PLEKHG4B: variants seen among roughly 807,000 people sequenced by gnomAD.
The protein encoded by PLEKHG4B is pleckstrin homology and RhoGEF domain containing G4B.
A neutral mutation model predicts 121.3 loss-of-function variants in PLEKHG4B; 111 were observed. The observed-to-expected ratio is 0.92, with a 90% CI of 0.78 to 1.07. The LOEUF (loss-of-function observed/expected upper bound fraction) is 1.07, where lower values mean the gene tolerates loss of function less well. Ranked by LOEUF, PLEKHG4B falls within the 50% of genes least tolerant of loss-of-function variation. The pLI is 0.00. For missense variants in PLEKHG4B, 1,831 were observed against 1,757.8 expected (o/e 1.04, Z -0.74); for synonymous variants, 738 against 725.0 (o/e 1.02, Z -0.29).
intron 2 of PLEKHG4B, among the ~76,000 whole-genome samples, chr5:117,083 A>C (rs185353517): frequency 6.6e-6 from 1 of 152,150 alleles, no homozygotes; most frequent in Non-Finnish European, 1.5e-5. Flanking sequence ...AACCTACAAA[A>C]TTGCTTGTCT....
In PLEKHG4B at chr5:143,069, T is replaced by C. The variant is rs1321820490; in HGVS notation, c.1500T>C (p.Cys500=). 24 of 1,613,210 alleles carry C rather than the reference T, an allele frequency of 1.5e-5. No individual in the cohort carries two copies. The highest frequency in any genetic ancestry group is 1.9e-5 in the Non-Finnish European group (23 of 1,179,994). ...KEEDVLASSA[C]VSTDGGSLHC... is the part of the protein sequence containing the mutation. ...CAGACGTTCTTGCATCCTCAGCCTG[T>C]GTCAGCACAGACGGCGGCAGCCTCC... is the stretch of plus-strand genomic sequence containing the variant. Residue 500 remains cysteine (C), a synonymous_variant, in exon 4 of 20, where the codon TGT becomes TGC. Transcript: ENST00000637938.
intron 18 of PLEKHG4B, among the ~76,000 whole-genome samples, chr5:174,728 G>A (rs1001112315): frequency 5.9e-5 from 9 of 152,038 alleles, no homozygotes; most frequent in Non-Finnish European, 1.2e-4. Context: ...TTTCTTTTTT[G>A]GTAAGGGTGA....
Position 140,155 on chromosome 5 carries a change from G to T in PLEKHG4B, c.916G>T (p.Gly306Trp). Reference sequence around the variant, plus strand: ...CCCACGGATGCCCCCTGAGAACTGTGGGGGGTCGGGGGAGAGGCCGGACCC... The same window carrying T: ...CCCACGGATGCCCCCTGAGAACTGTTGGGGGTCGGGGGAGAGGCCGGACCC... Reference protein sequence around the residue: ...QGPRMPPENCGGSGERPDPMD... With the variant: ...QGPRMPPENCWGSGERPDPMD... Residue 306 changes from glycine to tryptophan, a missense_variant, in exon 3 of 20, where the codon GGG becomes TGG. By Grantham distance (184) the Gly-to-Trp change is radical. Transcript: ENST00000637938. 1.3e-6 allele frequency: 1 copy of T among 743,500 alleles called. No homozygotes were observed. Among genetic ancestry groups the T allele is most frequent in the Non-Finnish European group, 2.1e-6 (1 of 474,386 alleles). The allele number at this position is 743,500 out of a possible 1,614,324, so 46.1% of individuals were successfully genotyped here.
intron 1 of PLEKHG4B, among the ~76,000 whole-genome samples, chr5:96,367 T>C (rs1019657048): frequency 6.6e-6 from 1 of 152,218 alleles, no homozygotes; most frequent in Admixed American, 6.5e-5. Context: ...GTTCCAATTT[T>C]TTGTCAAATT....
rs750537655 is a variant in PLEKHG4B at position 169,478 on chromosome 5, CGTTAT to C, written c.3616_3620del (p.Val1206PhefsTer74). 5 of 1,614,218 alleles carry C rather than the reference CGTTAT, an allele frequency of 3.1e-6. No homozygotes were observed. In the Admixed American group the frequency reaches 8.3e-5, roughly 27 times the overall value. On this transcript the variant is annotated frameshift_variant, in exon 14 of 20. Transcript: ENST00000637938. LOFTEE classifies it high-confidence loss of function. ...CCCAGGGCCTTCGAGGGAAGCACCA[CGTTAT>C]TTTCGGCAACTTGGAGAAGCTCCAC...
At position 163,211 on chromosome 5, in the gene PLEKHG4B, GGGGCCACCAC is replaced by G. The variant is rs1391285331; in HGVS notation, c.3142_3151del (p.Ala1048ProfsTer29). 1.6e-5 allele frequency: 25 copies of G among 1,595,256 alleles called. No homozygotes were observed. Among genetic ancestry groups the G allele is most frequent in the Non-Finnish European group, 2.1e-5 (25 of 1,171,508 alleles). On this transcript the variant is annotated frameshift_variant, in exon 13 of 20. Coordinates refer to ENST00000637938, the MANE Select transcript of PLEKHG4B (RefSeq NM_052909.5). LOFTEE classifies it high-confidence loss of function. ...CCTCCTCAGGGGCCTTCCAGGGGCA[GGGGCCACCAC>G]GGCCCACCTGGAGGACAGCTCTGCC...
At chr5:136,044 G>T (rs1015120941) in intron 2 of PLEKHG4B, among the ~76,000 whole-genome samples, 3 of 151,966 alleles carry the variant, frequency 2.0e-5, no homozygotes, top group Admixed American at 1.3e-4. Context: ...ATGTTCTACA[G>T]GGGTGCCAAG....
intron 1 of PLEKHG4B, among the ~76,000 whole-genome samples, chr5:94,031 T>G (rs1296156346): frequency 2.0e-5 from 3 of 152,222 alleles, no homozygotes; most frequent in African/African-American, 7.2e-5. Context: ...TAGAGCCTCC[T>G]AACTCTCACC....
intron 2 of PLEKHG4B, among the ~76,000 whole-genome samples, chr5:131,083 A>G (rs1163389917): frequency 6.6e-6 from 1 of 151,074 alleles, no homozygotes; most frequent in Non-Finnish European, 1.5e-5. Context: ...CTGATGCCCC[A>G]CGCCTCTGCA....
intron 2 of PLEKHG4B, among the ~76,000 whole-genome samples, chr5:118,074 A>G (rs181533266): frequency 1.3e-5 from 2 of 152,326 alleles, no homozygotes; most frequent in East Asian, 3.9e-4. Context: ...AGCAACATTC[A>G]AAGGATTACT....
chr5:94,220 C>G lies in PLEKHG4B; in HGVS notation c.45+1944C>G, dbSNP rs530564449. Among the ~76,000 whole-genome samples the G allele has an allele frequency of 2.3e-3, 358 of 152,366 alleles. 1 individual carries two copies. The highest frequency in any genetic ancestry group is 0.017 in the Middle Eastern group (5 of 294). On this transcript the variant is annotated intron_variant, in intron 1 of 19. Transcript: ENST00000637938. ...TTGGTGCCTCTCCTGGCTGATACAGCATCAGTGCTTCTGTGCCCTGCGGCA... is the reference window on the plus strand; with the variant it reads ...TTGGTGCCTCTCCTGGCTGATACAGGATCAGTGCTTCTGTGCCCTGCGGCA...
rs1328231075 is a variant in PLEKHG4B at position 142,639 on chromosome 5, AAC to A, written c.1478-404_1478-403del. On this transcript the variant is annotated intron_variant, in intron 3 of 19. Coordinates refer to ENST00000637938, the MANE Select transcript of PLEKHG4B (RefSeq NM_052909.5). ...CACATACCACACACACAATCACACA[AAC>A]ACAGTAACACACCAGTCACATGCCT... 8.6e-5 allele frequency among the ~76,000 whole-genome samples: 13 copies of A among 150,672 alleles called. No homozygotes were observed. The East Asian group carries it at 1.8e-3, about 21-fold the overall frequency.
chr5:162,011 G>A (rs1736024345), intron 12 of PLEKHG4B, 67 bp downstream of exon 12: 2 of 1,504,634 alleles, frequency 1.3e-6, no homozygotes, highest in Non-Finnish European at 8.9e-7. Flanking sequence ...TCTAGCAAGT[G>A]CCTCCCCTCA....
chr5:120,393 C>G (rs897790176), intron 2 of PLEKHG4B, among the ~76,000 whole-genome samples: 10 of 152,160 alleles, frequency 6.6e-5, no homozygotes, highest in African/African-American at 2.4e-4. Context: ...ATTCCAGACT[C>G]CCCCTGGAGA....
intron 2 of PLEKHG4B, among the ~76,000 whole-genome samples, chr5:119,334 A>C (rs997018309): frequency 2.6e-5 from 4 of 152,204 alleles, no homozygotes; most frequent in Admixed American, 2.0e-4. Context: ...CATTATTGGA[A>C]CACTAAGCTT....
At position 162,938 on chromosome 5, in the gene PLEKHG4B, G is replaced by C; in HGVS notation, c.2866G>C (p.Glu956Gln). The change falls in exon 13 of 20, where the codon GAG becomes CAG. Residue 956 changes from glutamate (E) to glutamine (Q), a missense_variant. Glu to Gln is a conservative substitution (Grantham distance 29, BLOSUM62 2). Coordinates refer to ENST00000637938, the MANE Select transcript of PLEKHG4B (RefSeq NM_052909.5). Reference protein sequence around the residue: ...QYPQTRLRLEEALSEAAPDPS... With the variant: ...QYPQTRLRLEQALSEAAPDPS... ...CCCCCAGACCCGGCTCCGTCTGGAA[G>C]AGGCCCTTTCTGAGGCTGCCCCAGA... 1 of 1,555,690 alleles carries C rather than the reference G, an allele frequency of 6.4e-7. No homozygotes were observed. Among genetic ancestry groups the C allele is most frequent in the Non-Finnish European group, 8.7e-7 (1 of 1,151,202 alleles).
intron 7 of PLEKHG4B, among the ~76,000 whole-genome samples, chr5:152,304 G>A (rs1042697670): frequency 4.0e-5 from 6 of 151,084 alleles, no homozygotes; most frequent in Admixed American, 1.3e-4. Context: ...TCAAACTCCT[G>A]GGCTCAAGAG....
At chr5:152,069 G>C (rs1236302957) in intron 7 of PLEKHG4B, among the ~76,000 whole-genome samples, 5 of 152,172 alleles carry the variant, frequency 3.3e-5, no homozygotes, top group Admixed American at 1.3e-4. Flanking sequence ...CTGTTTCCAA[G>C]GTACTTCCTT....
chr5:119,968 G>A (rs1734420324), intron 2 of PLEKHG4B, among the ~76,000 whole-genome samples: 2 of 152,172 alleles, frequency 1.3e-5, no homozygotes, highest in African/African-American at 4.8e-5. Context: ...CATGGGCTGG[G>A]TGCACTGGCA....
Sources: allele counts gnomAD v4.1 joint callset (sites outside exome capture counted in the v4.1 genomes callset), GRCh38; gene constraint gnomAD v4.1.1; transcripts MANE v1.5; gene names NCBI Gene and HGNC (gene_info 2026-07-23, HGNC 2026-07-21).